Variants in ENTPD1 observed in about 807,000 individuals in gnomAD.
The protein encoded by ENTPD1 is ATP diphosphohydrolase.
A neutral mutation model predicts 57.0 loss-of-function variants in ENTPD1; 33 were observed. The observed-to-expected ratio is 0.58, with a 90% CI of 0.44 to 0.77. The LOEUF (loss-of-function observed/expected upper bound fraction) is 0.77. Among genes scored for constraint, ENTPD1 ranks in the 30% least tolerant of loss-of-function variants. The pLI is 0.00. For synonymous variants in ENTPD1, 202 were observed against 218.8 expected (o/e 0.92, Z 0.68); for missense variants, 501 against 603.4 (o/e 0.83, Z 1.78).
intron 1 of ENTPD1, among the ~76,000 whole-genome samples, chr10:95,742,231 G>T (rs1480482507): frequency 6.6e-6 from 1 of 152,150 alleles, no homozygotes; most frequent in Non-Finnish European, 1.5e-5. Context: ...CAATTCTGGG[G>T]CACTTAACGG....
rs926708414 is a variant in ENTPD1, at chr10:95,844,806, T to C, written c.573+171T>C. The stretch of plus-strand genomic sequence containing the variant: ...TCACATTTGTAAGGGTCACCAGAGG[T>C]ATAATTCTCTTACAAGACCTTCTAC... On this transcript the variant is annotated intron_variant, in intron 5 of 9. Transcript: ENST00000371205. The C allele has an allele frequency of 1.8e-5, 15 of 835,948 alleles. No homozygotes were observed. In the African/African-American group the frequency reaches 2.2e-4, roughly 12 times the overall value. 51.8% of individuals were successfully genotyped at this position (835,948 alleles called of 1,614,324 possible).
intron 1 of ENTPD1, among the ~76,000 whole-genome samples, chr10:95,737,358 G>A (rs1700927181): frequency 6.6e-6 from 1 of 152,028 alleles, no homozygotes; most frequent in Non-Finnish European, 1.5e-5. Flanking sequence ...AAACCTCTCT[G>A]GAGAATTGAC....
intron 1 of ENTPD1, among the ~76,000 whole-genome samples, chr10:95,715,545 A>C (rs1483515959): frequency 6.6e-6 from 1 of 151,380 alleles, no homozygotes; most frequent in Non-Finnish European, 1.5e-5. Context: ...ATTCACATTC[A>C]GTGTAGTTAT....
the ENTPD1 span, among the ~76,000 whole-genome samples, chr10:95,694,795 G>T: frequency 6.6e-6 from 1 of 151,814 alleles, no homozygotes; most frequent in East Asian, 1.9e-4. Context: ...CTTTCCTTCG[G>T]TATTGGAAAT....
At chr10:95,769,397 A>G (rs1411545309) in intron 1 of ENTPD1, among the ~76,000 whole-genome samples, 1 of 152,226 alleles carries the variant, frequency 6.6e-6, no homozygotes, top group African/African-American at 2.4e-5. Context: ...ACGCAGAGGA[A>G]CCAACATGTA....
intron 7 of ENTPD1, among the ~76,000 whole-genome samples, chr10:95,856,544 A>C (rs1384026291): frequency 1.3e-5 from 2 of 152,072 alleles, no homozygotes; most frequent in Non-Finnish European, 2.9e-5. Flanking sequence ...ACTTGCACAC[A>C]CATGTTCACA....
At chr10:95,800,825 A>C (rs1422537553) in intron 1 of ENTPD1, among the ~76,000 whole-genome samples, 1 of 152,190 alleles carries the variant, frequency 6.6e-6, no homozygotes. Flanking sequence ...GTTATTTTTC[A>C]GGGTGCACTG....
intron 1 of ENTPD1, among the ~76,000 whole-genome samples, chr10:95,793,726 T>C (rs147773939): frequency 0.016 from 2,364 of 152,154 alleles, 29 homozygotes; most frequent in Middle Eastern, 0.024. Flanking sequence ...TTAGAGAAAC[T>C]ATGTTTTTAG....
the ENTPD1 span, among the ~76,000 whole-genome samples, chr10:95,701,181 T>G: frequency 6.6e-6 from 1 of 152,212 alleles, no homozygotes; most frequent in Admixed American, 6.5e-5. Context: ...TCCAGCCTAG[T>G]GCAGTGGCTT....
In ENTPD1 at chr10:95,872,374, T is replaced by C; in HGVS notation, c.*5991T>C. On this transcript the variant is annotated 3_prime_UTR_variant, in exon 10 of 10. Transcript: ENST00000371205. The stretch of plus-strand genomic sequence containing the variant: ...CCCACTCCACTCCTCTGATGTTTCC[T>C]ACACTACACTACACTATACTACACT... 1.0e-6 allele frequency: 1 copy of C among 985,404 alleles called. No homozygotes were observed. 61.0% of individuals were successfully genotyped at this position (985,404 alleles called of 1,614,324 possible). A position where few individuals can be genotyped will look rare whatever the true frequency, so the allele number is the denominator to read the frequency against.
Position 95,873,353 on chromosome 10 carries a change from T to C in ENTPD1, c.*6970T>C, listed in dbSNP as rs2098482488. On this transcript the variant is annotated 3_prime_UTR_variant, in exon 10 of 10. Coordinates refer to ENST00000371205, the MANE Select transcript of ENTPD1 (RefSeq NM_001776.6). ...ACAATCCAAGTGTTTCTTTTGTCAG[T>C]TGTCTGTGCCCCAGGAGATCCCTCT... The C allele has an allele frequency of 2.0e-6, 2 of 985,442 alleles. No individual in the cohort carries two copies. The highest frequency in any genetic ancestry group is 6.1e-5 in the Admixed American group (1 of 16,276). 61.0% of individuals were successfully genotyped at this position (985,442 alleles called of 1,614,324 possible).
the ENTPD1 span, among the ~76,000 whole-genome samples, chr10:95,696,513 C>T: frequency 4.6e-5 from 7 of 152,200 alleles, no homozygotes; most frequent in African/African-American, 1.7e-4. Flanking sequence ...CTCCTGACCT[C>T]AAGTGATCTG....
At chr10:95,694,698 A>G in the ENTPD1 span, among the ~76,000 whole-genome samples, 1 of 151,920 alleles carries the variant, frequency 6.6e-6, no homozygotes, top group Non-Finnish European at 1.5e-5. Context: ...GTTAATGGCA[A>G]ATTTTTTAAG....
intron 1 of ENTPD1, among the ~76,000 whole-genome samples, chr10:95,789,948 A>G (rs1164066166): frequency 2.0e-5 from 3 of 152,210 alleles, no homozygotes; most frequent in African/African-American, 7.2e-5. Context: ...AGTGATCTCT[A>G]ATGGTTCTCA....
chr10:95,838,949 C>T (rs1389568890), intron 2 of ENTPD1, among the ~76,000 whole-genome samples: 3 of 152,060 alleles, frequency 2.0e-5, no homozygotes. Flanking sequence ...TCATCTCCCC[C>T]TACTCGTAAA....
At chr10:95,802,456 CCTT>C (rs2098253754) in intron 1 of ENTPD1, among the ~76,000 whole-genome samples, 1 of 151,614 alleles carries the variant, frequency 6.6e-6, no homozygotes, top group African/African-American at 2.4e-5. Flanking sequence ...TTATTTCCCA[CCTT>C]CTTTTTTTAA....
chr10:95,869,266 T>G lies in ENTPD1; in HGVS notation c.*2883T>G, dbSNP rs1164126240. ...CTTTTTTTTTTTTTTTTTTTTTTTT[T>G]TGAGAGAGAGTCTCACTCCATTGCC... On this transcript the variant is annotated 3_prime_UTR_variant, in exon 10 of 10. Transcript: ENST00000371205. 3.5e-3 allele frequency: 2,323 copies of G among 658,508 alleles called. 24 individuals are homozygous for G. The African/African-American group carries it at 0.047, about 13-fold the overall frequency. 40.8% of individuals were successfully genotyped at this position (658,508 alleles called of 1,614,324 possible). A position where few individuals can be genotyped will look rare whatever the true frequency, so the allele number is the denominator to read the frequency against.
At chr10:95,851,999 C>T (rs1356436575) in intron 7 of ENTPD1, among the ~76,000 whole-genome samples, 6 of 152,116 alleles carry the variant, frequency 3.9e-5, no homozygotes, top group East Asian at 1.9e-4. Flanking sequence ...CTTGAGGAAT[C>T]GCCACACTGT....
chr10:95,874,114 C>G lies in ENTPD1; in HGVS notation c.*7731C>G, dbSNP rs1386555576. On this transcript the variant is annotated 3_prime_UTR_variant, in exon 10 of 10. Coordinates refer to ENST00000371205, the MANE Select transcript of ENTPD1 (RefSeq NM_001776.6). ...TTCAAAACCAATCATTCCTTCCCAA[C>G]AGTTCCCCAAAGTCTTAACTCATTT... Among the ~76,000 whole-genome samples, 2 of 152,178 alleles carry G rather than the reference C, an allele frequency of 1.3e-5. No homozygotes were observed. Among genetic ancestry groups the G allele is most frequent in the Non-Finnish European group, 2.9e-5 (2 of 68,038 alleles).
Sources: gnomAD v4.1 joint callset for allele counts (sites outside exome capture counted in the v4.1 genomes callset) on GRCh38, gnomAD v4.1.1 for gene constraint, MANE v1.5 for transcripts, NCBI Gene and HGNC (gene_info 2026-07-23, HGNC 2026-07-21) for gene names.